The following MYH10 variants were observed in gnomAD, a reference collection of about 807,000 sequenced individuals.
MYH10 encodes myosin-10.
MYH10 carries 55 observed loss-of-function variants against 257.8 expected under a neutral mutation model. That is an observed-to-expected ratio of 0.21 (90% CI 0.17 to 0.27). The LOEUF is 0.27. Among genes scored for constraint, MYH10 ranks in the 10% least tolerant of loss-of-function variants. The pLI is 1.00. For synonymous variants in MYH10, 854 were observed against 921.7 expected (o/e 0.93, Z 1.33); for missense variants, 1,631 against 2,500.6 (o/e 0.65, Z 7.42).
intron 14 of MYH10, among the ~76,000 whole-genome samples, chr17:8,541,723 T>A (rs1048515361): frequency 6.6e-6 from 1 of 152,166 alleles, no homozygotes; most frequent in East Asian, 1.9e-4. Context: ...ACTTTAGTTA[T>A]CTGCAAAATG....
In MYH10 at chr17:8,569,853, G is replaced by A. The variant is rs566055151; in HGVS notation, c.664-41C>T. The A allele has an allele frequency of 1.7e-5, 25 of 1,447,672 alleles. No individual in the cohort carries two copies. Among genetic ancestry groups the A allele is most frequent in the African/African-American group, 5.7e-5 (4 of 70,664 alleles). The allele number at this position is 1,447,672 out of a possible 1,614,324, so 89.7% of individuals were successfully genotyped here. ...CACACACAAATAAAAGCAGATGTAC[G>A]TTAATCTAATGTCTTTACTCAAGTC... On this transcript the variant is annotated intron_variant, in intron 6 of 42. Transcript: ENST00000360416. The surrounding 1 kb of genome is among the most constrained non-coding windows in gnomAD (Gnocchi z 4.1).
At chr17:8,627,406 C>G (rs1470114388) in intron 1 of MYH10, among the ~76,000 whole-genome samples, 1 of 152,206 alleles carries the variant, frequency 6.6e-6, no homozygotes, top group Non-Finnish European at 1.5e-5. Flanking sequence ...AACTCCTGAC[C>G]CAAATGCCAT....
chr17:8,554,086 C>CT, intron 7 of MYH10, 68 bp from the exon 8 acceptor site: 1 of 1,070,992 alleles, frequency 9.3e-7, no homozygotes, highest in Admixed American at 1.8e-5. Context: ...CACTAATAAA[C>CT]TAAGAAGACA....
intron 7 of MYH10, chr17:8,561,028 C>T (rs1381221691): frequency 1.8e-6 from 1 of 559,562 alleles, no homozygotes; most frequent in Admixed American, 3.1e-5. Context: ...GGAGAGCATC[C>T]CTCCATCCCA....
chr17:8,618,042 G>A (rs1031727026), intron 2 of MYH10, among the ~76,000 whole-genome samples: 9 of 152,016 alleles, frequency 5.9e-5, no homozygotes, highest in Non-Finnish European at 1.0e-4. Context: ...TTTATTGTCT[G>A]GCTTAATCGA....
intron 11 of MYH10, 98 bp from the exon 12 acceptor site, chr17:8,546,760 T>C: frequency 6.1e-6 from 5 of 824,602 alleles, no homozygotes; most frequent in Admixed American, 2.6e-5. Flanking sequence ...AACAATTAAA[T>C]TGTATTAAGA....
At chr17:8,585,306 A>ATATATATATATATATATATATATG (rs1555610517) in intron 4 of MYH10, among the ~76,000 whole-genome samples, 4 of 141,032 alleles carry the variant, frequency 2.8e-5, no homozygotes, top group African/African-American at 7.7e-5. Context: ...ATATATATAT[A>ATATATATATATATATATATATATG]GCTACATATG....
chr17:8,562,102 A>C (rs2083017887), intron 7 of MYH10, among the ~76,000 whole-genome samples: 1 of 152,276 alleles, frequency 6.6e-6, no homozygotes. Context: ...TCAACTTTCT[A>C]GCTAAATGAC....
At position 8,539,116 on chromosome 17, in the gene MYH10, C is replaced by T. The variant is rs188613708; in HGVS notation, c.1605+2991G>A. On this transcript the variant is annotated intron_variant, in intron 14 of 42. Coordinates refer to ENST00000360416, the MANE Select transcript of MYH10 (RefSeq NM_001256012.3). ...GGACTCTGCCAAGAGTCCCCACCAG[C>T]AAGAATACCCTCATCCAATGCAGCT... 4.0e-4 allele frequency among the ~76,000 whole-genome samples: 61 copies of T among 152,250 alleles called. 1 individual carries two copies. The highest frequency in any genetic ancestry group is 1.3e-3 in the African/African-American group (54 of 41,528).
intron 40 of MYH10, among the ~76,000 whole-genome samples, chr17:8,479,323 A>G (rs374560544): frequency 6.6e-6 from 1 of 152,310 alleles, no homozygotes; most frequent in African/African-American, 2.4e-5. Context: ...GTCGTCCCAT[A>G]TGAAGGAGAG....
Position 8,530,614 on chromosome 17 carries a change from T to C in MYH10, c.1957+9A>G. 5.8e-6 allele frequency: 9 copies of C among 1,543,722 alleles called. No individual in the cohort carries two copies. Among genetic ancestry groups the C allele is most frequent in the Non-Finnish European group, 7.9e-6 (9 of 1,142,566 alleles). ...TGTTTTGGAAGACCTACAGGCTTTA[T>C]ACATTCACCTGGTGGCTCATGAAGA... On this transcript the variant is annotated intron_variant, in intron 17 of 42. Coordinates refer to ENST00000360416, the MANE Select transcript of MYH10 (RefSeq NM_001256012.3).
intron 28 of MYH10, among the ~76,000 whole-genome samples, chr17:8,502,032 A>G (rs1027374158): frequency 2.6e-5 from 4 of 152,222 alleles, no homozygotes; most frequent in African/African-American, 9.6e-5. Context: ...GCTAAGACCT[A>G]TATTAGCACT....
At chr17:8,496,801 C>G (rs1344802372) in intron 30 of MYH10, among the ~76,000 whole-genome samples, 3 of 152,184 alleles carry the variant, frequency 2.0e-5, no homozygotes, top group Non-Finnish European at 2.9e-5. Context: ...TTGAATTTAG[C>G]AAGAGTTCCC....
intron 7 of MYH10, chr17:8,560,769 T>C (rs2151980998): frequency 3.3e-6 from 2 of 602,884 alleles, no homozygotes; most frequent in East Asian, 4.3e-5. Context: ...ATCTTGTCCA[T>C]GGCAAATGCT....
chr17:8,572,013 C>A (rs1180456069), intron 6 of MYH10, among the ~76,000 whole-genome samples: 1 of 151,652 alleles, frequency 6.6e-6, no homozygotes, highest in East Asian at 1.9e-4. Flanking sequence ...TGGGACATTA[C>A]CTTAATACTA....
intron 41 of MYH10, 130 bp downstream of exon 41, chr17:8,478,208 G>T (rs1913024467): frequency 1.3e-6 from 1 of 791,484 alleles, no homozygotes. Context: ...CAGGAACATG[G>T]AACAGCCCAC....
chr17:8,522,227 T>C (rs1450003761), intron 17 of MYH10, among the ~76,000 whole-genome samples: 5 of 152,250 alleles, frequency 3.3e-5, no homozygotes, highest in Admixed American at 6.5e-5. Flanking sequence ...CTCATTTCTT[T>C]CATTTGTTTC....
intron 6 of MYH10, among the ~76,000 whole-genome samples, chr17:8,572,753 G>A (rs1417746196): frequency 6.6e-6 from 1 of 152,074 alleles, no homozygotes; most frequent in Non-Finnish European, 1.5e-5. Context: ...ATAGTGTCAT[G>A]GTATCACTCC....
intron 2 of MYH10, among the ~76,000 whole-genome samples, chr17:8,608,901 C>G (rs1018405426): frequency 6.6e-6 from 1 of 151,978 alleles, no homozygotes; most frequent in Non-Finnish European, 1.5e-5. Flanking sequence ...AGCTCCGCCT[C>G]CCGGGCTGAC....
Sources: gnomAD v4.1 joint callset for allele counts (sites outside exome capture counted in the v4.1 genomes callset) on GRCh38, gnomAD v4.1.1 for gene constraint, Gnocchi (gnomAD v3.1) non-coding constraint, MANE v1.5 for transcripts, NCBI Gene and HGNC (gene_info 2026-07-23, HGNC 2026-07-21) for gene names.